Variants in CDC42BPA observed in about 807,000 individuals in gnomAD.
CDC42BPA encodes serine/threonine-protein kinase MRCK alpha.
In CDC42BPA, 80 loss-of-function variants were observed where a neutral mutation model predicts 223.5. That is an observed-to-expected ratio of 0.36 (90% CI 0.30 to 0.43). The LOEUF (loss-of-function observed/expected upper bound fraction) is 0.43, where lower values mean the gene tolerates loss of function less well. CDC42BPA is among the 20% of genes least tolerant of loss of function. CDC42BPA has a pLI of 1.00. For missense variants in CDC42BPA, 1,743 were observed against 2,099.9 expected, an observed-to-expected ratio of 0.83 and a Z score of 3.32; for synonymous variants, 694 against 718.6, an observed-to-expected ratio of 0.97 and a Z score of 0.55.
intron 1 of CDC42BPA, among the ~76,000 whole-genome samples, chr1:227,260,611 A>G (rs1683872535): frequency 1.3e-5 from 2 of 151,202 alleles, no homozygotes; most frequent in African/African-American, 2.5e-5. Context: ...ATAAGTGAGA[A>G]GAAAAGATGA....
chr1:227,207,361 C>CT (rs1672958380), intron 3 of CDC42BPA, among the ~76,000 whole-genome samples: 1 of 107,536 alleles, frequency 9.3e-6, no homozygotes, highest in Non-Finnish European at 2.0e-5. Flanking sequence ...CTTTTTTTTT[C>CT]TTTTTCTTTT....
intron 26 of CDC42BPA, 40 bp from the exon 27 acceptor site, chr1:227,033,455 C>T: frequency 7.2e-7 from 1 of 1,381,344 alleles, no homozygotes; most frequent in Non-Finnish European, 1.0e-6. Context: ...CTATATGTGG[C>T]TATGTGTGTG....
intron 14 of CDC42BPA, 79 bp from the exon 15 acceptor site, chr1:227,101,318 TG>T: frequency 1.2e-6 from 1 of 868,164 alleles, no homozygotes; most frequent in Non-Finnish European, 1.7e-6. Context: ...GTAATATAAA[TG>T]AGTATTCATA....
chr1:227,155,052 A>G (rs1374512621), intron 6 of CDC42BPA, among the ~76,000 whole-genome samples: 4 of 152,190 alleles, frequency 2.6e-5, no homozygotes, highest in Non-Finnish European at 5.9e-5. Flanking sequence ...AGAAAAAGTA[A>G]GTTGAAACTT....
chr1:227,046,220 A>ATG (rs112581948), intron 23 of CDC42BPA, among the ~76,000 whole-genome samples: 42,999 of 151,870 alleles, frequency 0.28, 6,280 homozygotes, highest in African/African-American at 0.35. Flanking sequence ...ATGTGTCCAC[A>ATG]TGAGAGCAAA....
intron 1 of CDC42BPA, among the ~76,000 whole-genome samples, chr1:227,275,219 C>T (rs763479234): frequency 2.3e-4 from 19 of 83,704 alleles, no homozygotes; most frequent in Non-Finnish European, 4.1e-4. Context: ...CTAAACAATT[C>T]ACAGGTCAAA....
chr1:227,203,167 A>T (rs1672085839), intron 3 of CDC42BPA, among the ~76,000 whole-genome samples: 1 of 152,152 alleles, frequency 6.6e-6, no homozygotes, highest in South Asian at 2.1e-4. Context: ...CCCAGACAGC[A>T]TATGATTTTA....
At chr1:227,165,664 G>A (rs1312786313) in intron 5 of CDC42BPA, among the ~76,000 whole-genome samples, 1 of 152,194 alleles carries the variant, frequency 6.6e-6, no homozygotes, top group African/African-American at 2.4e-5. Flanking sequence ...AAAGTAGAAA[G>A]AGGAATACAA....
At chr1:227,154,974 C>G (rs562435549) in intron 6 of CDC42BPA, among the ~76,000 whole-genome samples, 117 of 152,044 alleles carry the variant, frequency 7.7e-4, no homozygotes, top group Admixed American at 1.4e-3. Flanking sequence ...TAGCAAACAC[C>G]TCACCATCAG....
intron 15 of CDC42BPA, among the ~76,000 whole-genome samples, chr1:227,098,669 T>C (rs1572796645): frequency 6.6e-6 from 1 of 151,936 alleles, no homozygotes. Context: ...TCTTTACCTT[T>C]AAAGATCATT....
intron 21 of CDC42BPA, among the ~76,000 whole-genome samples, chr1:227,065,504 A>T (rs148483342): frequency 7.2e-5 from 11 of 152,324 alleles, no homozygotes; most frequent in African/African-American, 2.4e-4. Context: ...TCTTACACAT[A>T]CAAGTATTGG....
intron 5 of CDC42BPA, among the ~76,000 whole-genome samples, chr1:227,161,510 T>C (rs930924970): frequency 6.6e-6 from 1 of 152,196 alleles, no homozygotes; most frequent in African/African-American, 2.4e-5. Flanking sequence ...ACCTGAATAA[T>C]GCCATTTAAG....
At chr1:226,996,653 T>G (rs1012543658) in intron 35 of CDC42BPA, among the ~76,000 whole-genome samples, 4 of 152,230 alleles carry the variant, frequency 2.6e-5, no homozygotes, top group African/African-American at 9.6e-5. Context: ...ACCTAGTTTA[T>G]TGAGTTTTTA....
At chr1:227,047,263 TA>T (rs1166980098) in intron 23 of CDC42BPA, among the ~76,000 whole-genome samples, 1 of 152,182 alleles carries the variant, frequency 6.6e-6, no homozygotes, top group Non-Finnish European at 1.5e-5. Flanking sequence ...TCTTTAAGGA[TA>T]TTTTTTATGT....
At chr1:227,079,651 A>C (rs997622547) in intron 17 of CDC42BPA, among the ~76,000 whole-genome samples, 1 of 152,104 alleles carries the variant, frequency 6.6e-6, no homozygotes, top group Admixed American at 6.5e-5. Context: ...AACCCAAATA[A>C]ATTTCCACAA....
intron 5 of CDC42BPA, among the ~76,000 whole-genome samples, chr1:227,177,065 G>A (rs932513392): frequency 1.7e-4 from 22 of 129,160 alleles, no homozygotes; most frequent in African/African-American, 6.6e-4. Flanking sequence ...TATACATTAT[G>A]TATTCATTCA....
At chr1:227,245,101 A>T (rs1239480470) in intron 2 of CDC42BPA, among the ~76,000 whole-genome samples, 1 of 152,120 alleles carries the variant, frequency 6.6e-6, no homozygotes, top group Non-Finnish European at 1.5e-5. Flanking sequence ...GGTTCTAACA[A>T]GGACTCCAAT....
At chr1:227,297,954 G>GTATATATA (rs371424194) in intron 1 of CDC42BPA, among the ~76,000 whole-genome samples, 1 of 127,090 alleles carries the variant, frequency 7.9e-6, no homozygotes, top group African/African-American at 2.9e-5. Flanking sequence ...GTGTGTGTGT[G>GTATATATA]TATATATACA....
intron 5 of CDC42BPA, among the ~76,000 whole-genome samples, chr1:227,166,468 A>G (rs1341193920): frequency 6.6e-6 from 1 of 152,234 alleles, no homozygotes; most frequent in Non-Finnish European, 1.5e-5. Flanking sequence ...TTACCAGGTG[A>G]AAGTAAGGCG....
Sources: gnomAD v4.1 joint callset for allele counts (sites outside exome capture counted in the v4.1 genomes callset) on GRCh38, gnomAD v4.1.1 for gene constraint, MANE v1.5 for transcripts, NCBI Gene and HGNC (gene_info 2026-07-23, HGNC 2026-07-21) for gene names.